DMRT1: variants seen among roughly 807,000 people sequenced by gnomAD.
DMRT1 encodes doublesex and mab-3 related transcription factor 1, also known as doublesex- and mab-3-related transcription factor 1.
DMRT1 carries 7 observed loss-of-function variants against 32.3 expected under a neutral mutation model. The observed-to-expected ratio is 0.22, with a 90% CI of 0.12 to 0.41. DMRT1 has a LOEUF of 0.41. Among genes scored for constraint, DMRT1 ranks in the 10% least tolerant of loss-of-function variants. DMRT1 has a pLI of 1.00. For missense variants in DMRT1, 625 were observed against 500.5 expected, an observed-to-expected ratio of 1.25 and a Z score of -2.37; for synonymous variants, 278 against 206.1, an observed-to-expected ratio of 1.35 and a Z score of -2.99.
chr9:860,849 G>A (rs1337836005), intron 2 of DMRT1, among the ~76,000 whole-genome samples: 1 of 152,134 alleles, frequency 6.6e-6, no homozygotes, highest in Non-Finnish European at 1.5e-5. Context: ...GGAGCAGCAA[G>A]GTGAGACTGT....
At chr9:939,996 C>T (rs1044858395) in intron 4 of DMRT1, among the ~76,000 whole-genome samples, 33 of 152,216 alleles carry the variant, frequency 2.2e-4, no homozygotes, top group Non-Finnish European at 7.4e-5. Context: ...AAACGCAAAT[C>T]AAACTCATGA....
At chr9:909,326 C>G (rs371454582) in intron 3 of DMRT1, among the ~76,000 whole-genome samples, 4 of 152,150 alleles carry the variant, frequency 2.6e-5, no homozygotes, top group African/African-American at 9.6e-5. Context: ...AAATTTTTTT[C>G]TCAGCTGTGA....
intron 4 of DMRT1, among the ~76,000 whole-genome samples, chr9:926,528 G>A (rs1295092661): frequency 2.6e-5 from 4 of 152,182 alleles, no homozygotes; most frequent in Non-Finnish European, 5.9e-5. Flanking sequence ...AATTTTTGAG[G>A]AAGATGTTAT....
chr9:959,466 T>C (rs1205712061), intron 4 of DMRT1, among the ~76,000 whole-genome samples: 1 of 152,226 alleles, frequency 6.6e-6, no homozygotes, highest in Non-Finnish European at 1.5e-5. Context: ...ACAGGCAGAA[T>C]TGATTCAAAC....
intron 3 of DMRT1, among the ~76,000 whole-genome samples, chr9:909,815 C>T (rs946502015): frequency 2.6e-5 from 4 of 152,088 alleles, no homozygotes; most frequent in Admixed American, 6.6e-5. Context: ...TGGGCTTAAG[C>T]GATCCTCCCA....
chr9:964,963 T>C (rs1819887708), intron 4 of DMRT1, among the ~76,000 whole-genome samples: 1 of 152,210 alleles, frequency 6.6e-6, no homozygotes, highest in African/African-American at 2.4e-5. Flanking sequence ...GAAATTAGCC[T>C]GGTGTAGGGC....
chr9:878,213 C>CAA (rs1816591107), intron 2 of DMRT1, among the ~76,000 whole-genome samples: 13 of 130,826 alleles, frequency 9.9e-5, no homozygotes, highest in Admixed American at 4.7e-4. Flanking sequence ...CCCCCCCCAC[C>CAA]CAATAAAAAT....
intron 4 of DMRT1, among the ~76,000 whole-genome samples, chr9:952,441 A>G (rs149374954): frequency 2.6e-4 from 39 of 152,340 alleles, no homozygotes; most frequent in Non-Finnish European, 4.7e-4. Context: ...GTGTAATCAA[A>G]AGGCCAGGCA....
intron 3 of DMRT1, among the ~76,000 whole-genome samples, chr9:897,591 C>CA (rs772907339): frequency 1.6e-4 from 23 of 146,358 alleles, no homozygotes; most frequent in Middle Eastern, 3.4e-3. Context: ...GACACTGTCT[C>CA]CAAAAAAAAA....
At chr9:938,314 G>A (rs931240705) in intron 4 of DMRT1, among the ~76,000 whole-genome samples, 10 of 152,174 alleles carry the variant, frequency 6.6e-5, no homozygotes, top group African/African-American at 2.4e-4. Context: ...GCAAAAAACA[G>A]ATTTTGAGAT....
At chr9:916,528 A>G (rs1818188883) in intron 3 of DMRT1, among the ~76,000 whole-genome samples, 1 of 152,092 alleles carries the variant, frequency 6.6e-6, no homozygotes, top group Non-Finnish European at 1.5e-5. Context: ...GCACTATCAC[A>G]CCCAAACAAT....
At chr9:896,731 T>A (rs1181415404) in intron 3 of DMRT1, among the ~76,000 whole-genome samples, 1 of 151,774 alleles carries the variant, frequency 6.6e-6, no homozygotes, top group Non-Finnish European at 1.5e-5. Flanking sequence ...AAGAATCGTC[T>A]GAACCCGGGA....
At chr9:904,900 C>G (rs1375104080) in intron 3 of DMRT1, among the ~76,000 whole-genome samples, 1 of 151,366 alleles carries the variant, frequency 6.6e-6, no homozygotes, top group Non-Finnish European at 1.5e-5. Context: ...CGAGATTGCG[C>G]CACTGTACTC....
intron 2 of DMRT1, among the ~76,000 whole-genome samples, chr9:874,801 C>CTT (rs71327354): frequency 9.0e-3 from 692 of 76,940 alleles, no homozygotes; most frequent in Non-Finnish European, 0.012. Flanking sequence ...ACAAGTTAAT[C>CTT]TTTTTTTTTT....
intron 4 of DMRT1, among the ~76,000 whole-genome samples, chr9:924,856 G>T (rs1445134936): frequency 1.3e-5 from 2 of 152,232 alleles, no homozygotes; most frequent in Non-Finnish European, 2.9e-5. Flanking sequence ...CTGACATGCT[G>T]TTGGATGAGG....
In DMRT1 at chr9:905,054, G is replaced by T. The variant is rs151083844; in HGVS notation, c.822+10859G>T. ...GAGCCCTTGCTGTGGCATGCCAAGA[G>T]GCAGGGTGGGGACAAGTGTTTGATC... On this transcript the variant is annotated intron_variant, in intron 3 of 4. Coordinates refer to ENST00000382276, the MANE Select transcript of DMRT1 (RefSeq NM_021951.3). Among the ~76,000 whole-genome samples the T allele has an allele frequency of 4.0e-3, 605 of 152,324 alleles. 9 individuals are homozygous for T. Among genetic ancestry groups the T allele is most frequent in the African/African-American group, 0.014 (580 of 41,578 alleles).
intron 2 of DMRT1, among the ~76,000 whole-genome samples, chr9:858,941 A>G (rs1208348384): frequency 2.0e-5 from 3 of 151,670 alleles, no homozygotes; most frequent in Non-Finnish European, 4.4e-5. Context: ...GGTATTAGGT[A>G]CATTCACCAT....
At chr9:878,155 A>G (rs1247450735) in intron 2 of DMRT1, among the ~76,000 whole-genome samples, 1 of 151,702 alleles carries the variant, frequency 6.6e-6, no homozygotes, top group Non-Finnish European at 1.5e-5. Flanking sequence ...ATAGCACATT[A>G]ACTTTATAGC....
intron 2 of DMRT1, among the ~76,000 whole-genome samples, chr9:858,650 G>T (rs1264481029): frequency 1.3e-5 from 2 of 152,048 alleles, no homozygotes; most frequent in African/African-American, 2.4e-5. Flanking sequence ...GAGGCGGGCA[G>T]ATCATCTGAG....
Sources: gnomAD v4.1 joint callset for allele counts (sites outside exome capture counted in the v4.1 genomes callset) on GRCh38, gnomAD v4.1.1 for gene constraint, MANE v1.5 for transcripts, NCBI Gene and HGNC (gene_info 2026-07-23, HGNC 2026-07-21) for gene names.